The following EIF4G3 variants were observed in gnomAD, a reference collection of about 807,000 sequenced individuals.
EIF4G3 encodes the protein eIF-4-gamma 3.
In EIF4G3, 34 loss-of-function variants were observed where a neutral mutation model predicts 186.4. The observed-to-expected ratio is 0.18, with a 90% CI of 0.14 to 0.24. The LOEUF (loss-of-function observed/expected upper bound fraction) is 0.24. Ranked by LOEUF, EIF4G3 falls within the 10% of genes least tolerant of loss-of-function variation. The pLI, the probability that EIF4G3 is intolerant of heterozygous loss-of-function variation, is 1.00. For missense variants in EIF4G3, 1,536 were observed against 1,948.5 expected, an observed-to-expected ratio of 0.79 and a Z score of 3.99; for synonymous variants, 673 against 679.5, an observed-to-expected ratio of 0.99 and a Z score of 0.15.
chr1:20,868,132 A>G (rs1322827695), intron 20 of EIF4G3, among the ~76,000 whole-genome samples: 1 of 125,420 alleles, frequency 8.0e-6, no homozygotes, highest in East Asian at 2.5e-4. Flanking sequence ...TAAATTTGAC[A>G]GGGCTGTAAG....
At chr1:21,158,133 T>TTC (rs1236427839) in intron 2 of EIF4G3, among the ~76,000 whole-genome samples, 2 of 151,996 alleles carry the variant, frequency 1.3e-5, no homozygotes, top group African/African-American at 4.8e-5. Context: ...AAGACTTCCT[T>TTC]TCTGTGCCTA....
chr1:20,995,199 T>A (rs1350499361), intron 7 of EIF4G3, among the ~76,000 whole-genome samples: 3 of 152,190 alleles, frequency 2.0e-5, no homozygotes, highest in Non-Finnish European at 4.4e-5. Context: ...TACAAATGCT[T>A]AAATACAATA....
At chr1:21,104,698 C>G (rs2096584593) in intron 2 of EIF4G3, among the ~76,000 whole-genome samples, 1 of 152,182 alleles carries the variant, frequency 6.6e-6, no homozygotes, top group Non-Finnish European at 1.5e-5. Flanking sequence ...TTTGACCCAG[C>G]AATCCCATTA....
intron 4 of EIF4G3, among the ~76,000 whole-genome samples, chr1:21,033,790 T>G (rs2092948001): frequency 6.6e-6 from 1 of 152,108 alleles, no homozygotes; most frequent in African/African-American, 2.4e-5. Flanking sequence ...TCTAGTTAGA[T>G]CAATAAGAAT....
rs544212096 is a variant in EIF4G3 at position 21,063,215 on chromosome 1, G to A, written c.-195-12221C>T. 3.3e-5 allele frequency among the ~76,000 whole-genome samples: 5 copies of A among 152,042 alleles called. No homozygotes were observed. In the East Asian group the frequency reaches 7.7e-4, roughly 24 times the overall value. On this transcript the variant is annotated intron_variant, in intron 3 of 36. Coordinates refer to ENST00000602326, the MANE Select transcript of EIF4G3 (RefSeq NM_001391906.1). ...ACTACAGGCACATGCTACGACGCCCGGCTAATAGGAGATGTATTTAAAGTA... is the reference window on the plus strand; with the variant it reads ...ACTACAGGCACATGCTACGACGCCCAGCTAATAGGAGATGTATTTAAAGTA...
chr1:20,893,765 A>T (rs1234949736), intron 17 of EIF4G3, 129 bp from the exon 18 acceptor site: 1 of 1,018,778 alleles, frequency 9.8e-7, no homozygotes, highest in Non-Finnish European at 1.3e-6. Context: ...AACCCGCAGA[A>T]GTCCAATCTC....
intron 2 of EIF4G3, among the ~76,000 whole-genome samples, chr1:21,158,374 C>T (rs1238876253): frequency 6.6e-6 from 1 of 151,480 alleles, no homozygotes; most frequent in African/African-American, 2.4e-5. Context: ...CGAGGTTTTG[C>T]CATGTTGCCC....
intron 10 of EIF4G3, 90 bp from the exon 11 acceptor site, chr1:20,973,189 C>T: frequency 1.1e-6 from 1 of 940,070 alleles, no homozygotes; most frequent in South Asian, 1.6e-5. Context: ...GCACAATCCC[C>T]TTAAAAGGGT....
intron 4 of EIF4G3, among the ~76,000 whole-genome samples, chr1:21,044,122 T>C (rs1166678378): frequency 6.6e-6 from 1 of 152,198 alleles, no homozygotes; most frequent in African/African-American, 2.4e-5. Context: ...TGGTGTGGGT[T>C]TGGACACCTG....
intron 20 of EIF4G3, among the ~76,000 whole-genome samples, chr1:20,870,330 T>C (rs1433216658): frequency 6.6e-6 from 1 of 152,196 alleles, no homozygotes; most frequent in East Asian, 1.9e-4. Context: ...CATAACAGTA[T>C]ACAGAATGCT....
intron 2 of EIF4G3, among the ~76,000 whole-genome samples, chr1:21,091,005 G>A (rs2096177834): frequency 1.3e-5 from 2 of 152,150 alleles, no homozygotes; most frequent in Middle Eastern, 3.4e-3. Context: ...AAATAAAAAA[G>A]GAAGTTAACT....
rs150091213 is a variant in EIF4G3, at chr1:20,987,925, A to G, written c.178-5517T>C. 4.9e-3 allele frequency among the ~76,000 whole-genome samples: 742 copies of G among 152,348 alleles called. 6 individuals carry two copies. The highest frequency in any genetic ancestry group is 0.017 in the African/African-American group (705 of 41,578). ...AAAAGCCAAGTTGTAAATGCAAAGA[A>G]TAAGTTCTTGGAGGAAATTTAAAGT... On this transcript the variant is annotated intron_variant, in intron 7 of 36. Transcript: ENST00000602326.
chr1:21,010,419 C>CAAAAAAAAAAAAAAAAA (rs11318361), intron 4 of EIF4G3, among the ~76,000 whole-genome samples: 1 of 101,150 alleles, frequency 9.9e-6, no homozygotes, highest in African/African-American at 3.9e-5. Flanking sequence ...GACTCTGTCT[C>CAAAAAAAAAAAAAAAAA]AAAAAAAAAA....
chr1:20,856,656 CTCTGTGGTT>C (rs1398280358), intron 25 of EIF4G3, among the ~76,000 whole-genome samples: 1 of 152,164 alleles, frequency 6.6e-6, no homozygotes, highest in Non-Finnish European at 1.5e-5. Flanking sequence ...CTAGTAGGCC[CTCTGTGGTT>C]TCCTTTACGC....
At chr1:20,858,651 C>T (rs906220665) in intron 24 of EIF4G3, among the ~76,000 whole-genome samples, 4 of 151,952 alleles carry the variant, frequency 2.6e-5, no homozygotes, top group South Asian at 2.1e-4. Context: ...AGATGTAAGC[C>T]GCATGATGGA....
chr1:21,042,498 G>T (rs1379401996), intron 4 of EIF4G3, among the ~76,000 whole-genome samples: 1 of 152,068 alleles, frequency 6.6e-6, no homozygotes, highest in Non-Finnish European at 1.5e-5. Context: ...TATAAAGATA[G>T]CTAGCCTTTG....
chr1:21,130,193 G>A (rs927698528), intron 2 of EIF4G3, among the ~76,000 whole-genome samples: 1 of 150,890 alleles, frequency 6.6e-6, no homozygotes, highest in Non-Finnish European at 1.5e-5. Flanking sequence ...AGACCAGACT[G>A]GGCAACACAG....
intron 4 of EIF4G3, among the ~76,000 whole-genome samples, chr1:21,039,308 AG>A (rs1199237264): frequency 2.0e-5 from 3 of 152,240 alleles, no homozygotes; most frequent in African/African-American, 7.2e-5. Context: ...AATGAATCAT[AG>A]TTCCATTCTG....
At chr1:21,085,669 T>A (rs1315673158) in intron 3 of EIF4G3, among the ~76,000 whole-genome samples, 2 of 152,102 alleles carry the variant, frequency 1.3e-5, no homozygotes, top group Non-Finnish European at 2.9e-5. Flanking sequence ...AGTGCTGAGA[T>A]TACAGGTAGG....
Sources: gnomAD v4.1 joint callset for allele counts (sites outside exome capture counted in the v4.1 genomes callset) on GRCh38, gnomAD v4.1.1 for gene constraint, MANE v1.5 for transcripts, NCBI Gene and HGNC (gene_info 2026-07-23, HGNC 2026-07-21) for gene names.